DIS3L2: variants seen among roughly 807,000 people sequenced by gnomAD.
DIS3L2 encodes the protein DIS3-like exonuclease 2.
Under a neutral mutation model 97.5 loss-of-function variants are expected in DIS3L2, and 34 were observed. That is an observed-to-expected ratio of 0.35 (90% CI 0.27 to 0.46). The LOEUF is 0.46. DIS3L2 is among the 20% of genes least tolerant of loss of function. DIS3L2 has a pLI of 1.00. For missense variants in DIS3L2, 1,038 were observed against 1,146.0 expected, an observed-to-expected ratio of 0.91 and a Z score of 1.36; for synonymous variants, 435 against 445.2, an observed-to-expected ratio of 0.98 and a Z score of 0.29.
At chr2:232,169,402 A>T (rs1443341650) in intron 9 of DIS3L2, among the ~76,000 whole-genome samples, 1 of 152,168 alleles carries the variant, frequency 6.6e-6, no homozygotes, top group African/African-American at 2.4e-5. Flanking sequence ...ATGCAAAGAC[A>T]ACCAAGGGCC....
intron 9 of DIS3L2, among the ~76,000 whole-genome samples, chr2:232,208,079 T>TA (rs904699424): frequency 4.6e-5 from 7 of 152,138 alleles, no homozygotes; most frequent in African/African-American, 1.2e-4. Flanking sequence ...ATGAATTTTT[T>TA]AAAAAAATAG....
intron 9 of DIS3L2, among the ~76,000 whole-genome samples, chr2:232,193,925 A>G (rs1364404327): frequency 6.6e-6 from 1 of 152,156 alleles, no homozygotes; most frequent in African/African-American, 2.4e-5. Context: ...CCTGGCCAAC[A>G]CGGCAAAACC....
At chr2:232,029,895 AT>A in intron 4 of DIS3L2, 83 bp from the exon 5 acceptor site, 1 of 970,194 alleles carries the variant, frequency 1.0e-6, no homozygotes, top group East Asian at 2.6e-5. Context: ...GCTGTTTTCT[AT>A]TTCAGTTATG....
intron 13 of DIS3L2, among the ~76,000 whole-genome samples, chr2:232,266,008 A>C (rs1222040463): frequency 6.6e-6 from 1 of 152,210 alleles, no homozygotes; most frequent in Non-Finnish European, 1.5e-5. Context: ...TTCTTTTTCT[A>C]ACTTCTAGAA....
intron 5 of DIS3L2, among the ~76,000 whole-genome samples, chr2:232,053,548 G>A (rs1204170416): frequency 6.6e-6 from 1 of 152,200 alleles, no homozygotes; most frequent in Non-Finnish European, 1.5e-5. Flanking sequence ...CCAGGTGCCA[G>A]TCACAGTCCG....
intron 15 of DIS3L2, 69 bp from the exon 16 acceptor site, chr2:232,330,621 A>T: frequency 6.6e-7 from 1 of 1,523,822 alleles, no homozygotes; most frequent in Non-Finnish European, 9.1e-7. Flanking sequence ...TGCTCAGCGG[A>T]TGACAGGGCC....
chr2:232,140,850 C>T (rs966926583), intron 8 of DIS3L2, among the ~76,000 whole-genome samples: 9 of 152,162 alleles, frequency 5.9e-5, no homozygotes, highest in African/African-American at 2.2e-4. Flanking sequence ...CATGAGAGAT[C>T]TCAGTTGAAC....
At chr2:232,274,178 C>T (rs1353724823) in intron 13 of DIS3L2, among the ~76,000 whole-genome samples, 2 of 152,140 alleles carry the variant, frequency 1.3e-5, no homozygotes, top group African/African-American at 2.4e-5. Context: ...GTGAGCAGAA[C>T]CCCAGCCAGC....
At chr2:232,027,026 A>G (rs551368753) in intron 4 of DIS3L2, among the ~76,000 whole-genome samples, 29 of 152,278 alleles carry the variant, frequency 1.9e-4, no homozygotes, top group African/African-American at 5.5e-4. Flanking sequence ...GGCCCATTGC[A>G]AGTGATTGTA....
chr2:232,287,771 T>C (rs1016889867), intron 13 of DIS3L2, among the ~76,000 whole-genome samples: 8 of 152,204 alleles, frequency 5.3e-5, no homozygotes, highest in Admixed American at 2.0e-4. Flanking sequence ...CAGTAAACTT[T>C]TGTCTGTACT....
At chr2:232,332,294 G>A (rs1259328128) in intron 16 of DIS3L2, among the ~76,000 whole-genome samples, 12 of 152,148 alleles carry the variant, frequency 7.9e-5, no homozygotes, top group African/African-American at 2.9e-4. Flanking sequence ...GGCCCAGCAG[G>A]GGCTGGAAGG....
intron 5 of DIS3L2, among the ~76,000 whole-genome samples, chr2:232,064,084 G>A (rs1695786974): frequency 6.6e-6 from 1 of 151,968 alleles, no homozygotes; most frequent in Admixed American, 6.6e-5. Flanking sequence ...CAGGTTTATT[G>A]AAGTATAATT....
At chr2:232,302,592 CT>C (rs1270549463) in intron 14 of DIS3L2, among the ~76,000 whole-genome samples, 10 of 138,806 alleles carry the variant, frequency 7.2e-5, no homozygotes, top group African/African-American at 2.7e-4. Flanking sequence ...GATAGTCTTG[CT>C]TTTGTCACCC....
intron 9 of DIS3L2, among the ~76,000 whole-genome samples, chr2:232,181,788 C>T (rs930909241): frequency 4.0e-5 from 6 of 151,698 alleles, no homozygotes; most frequent in African/African-American, 1.5e-4. Context: ...AGGCGTGCAT[C>T]ATCACACCCA....
intron 14 of DIS3L2, among the ~76,000 whole-genome samples, chr2:232,301,734 C>T (rs1420892577): frequency 6.6e-6 from 1 of 151,886 alleles, no homozygotes; most frequent in African/African-American, 2.4e-5. Flanking sequence ...GGGAGAAGGA[C>T]ACCAGCTCTC....
At chr2:232,086,627 A>ATGTG (rs1696639298) in intron 5 of DIS3L2, among the ~76,000 whole-genome samples, 2 of 100,862 alleles carry the variant, frequency 2.0e-5, no homozygotes, top group African/African-American at 4.2e-5. Flanking sequence ...ATATATATAT[A>ATGTG]TACACATATA....
intron 1 of DIS3L2, among the ~76,000 whole-genome samples, chr2:232,012,821 C>T (rs1013082874): frequency 2.6e-5 from 4 of 152,092 alleles, no homozygotes; most frequent in Non-Finnish European, 4.4e-5. Context: ...GTTGCTTGTT[C>T]GTTCCTTGTC....
At chr2:232,121,975 C>T (rs2106342133) in intron 6 of DIS3L2, among the ~76,000 whole-genome samples, 1 of 152,304 alleles carries the variant, frequency 6.6e-6, no homozygotes, top group East Asian at 1.9e-4. Flanking sequence ...AACTGGCCTC[C>T]TGCCTCCAGT....
intron 1 of DIS3L2, among the ~76,000 whole-genome samples, chr2:231,972,324 C>G (rs1692943939): frequency 6.6e-6 from 1 of 152,108 alleles, no homozygotes; most frequent in Non-Finnish European, 1.5e-5. Flanking sequence ...ATTGTATCTG[C>G]CATACTTTTA....
Sources: allele counts gnomAD v4.1 joint callset (sites outside exome capture counted in the v4.1 genomes callset), GRCh38; gene constraint gnomAD v4.1.1; transcripts MANE v1.5; gene names NCBI Gene and HGNC (gene_info 2026-07-23, HGNC 2026-07-21).